Variants in ENTREP2 observed in about 807,000 individuals in gnomAD.
ENTREP2 encodes endosomal transmembrane epsin interactor 2, also known as protein ENTREP2.
chr15:29,195,943 C>T, the ENTREP2 span, among the ~76,000 whole-genome samples: 9 of 151,998 alleles, frequency 5.9e-5, no homozygotes, highest in African/African-American at 2.2e-4. Flanking sequence ...ATAAAACACT[C>T]GGAAGAAAAA....
the ENTREP2 span, among the ~76,000 whole-genome samples, chr15:29,582,182 C>G: frequency 6.6e-6 from 1 of 151,970 alleles, no homozygotes; most frequent in African/African-American, 2.4e-5. Flanking sequence ...GACAAAGGTG[C>G]AAAAGCAATT....
At chr15:29,226,125 G>A in the ENTREP2 span, among the ~76,000 whole-genome samples, 5 of 152,160 alleles carry the variant, frequency 3.3e-5, no homozygotes. Flanking sequence ...AGAACATGCC[G>A]GACACGGGGC....
chr15:29,344,871 T>C, the ENTREP2 span, among the ~76,000 whole-genome samples: 353 of 151,954 alleles, frequency 2.3e-3, 3 homozygotes, highest in Middle Eastern at 0.017. Flanking sequence ...CATAGCATTA[T>C]AGAGCCAGGT....
At chr15:29,271,767 T>C in the ENTREP2 span, among the ~76,000 whole-genome samples, 8 of 152,104 alleles carry the variant, frequency 5.3e-5, no homozygotes, top group Non-Finnish European at 1.0e-4. Context: ...GGAGCTCGGA[T>C]TTTAAGGCAG....
chr15:29,597,724 A>G, the ENTREP2 span, among the ~76,000 whole-genome samples: 1 of 150,238 alleles, frequency 6.7e-6, no homozygotes, highest in East Asian at 2.0e-4. Flanking sequence ...ACCATTATGA[A>G]TAGAGCTGCT....
the ENTREP2 span, among the ~76,000 whole-genome samples, chr15:29,336,801 G>C: frequency 6.6e-6 from 1 of 152,212 alleles, no homozygotes; most frequent in Admixed American, 6.5e-5. Flanking sequence ...CTCCTGGTAG[G>C]GCAGTCAAAG....
the ENTREP2 span, among the ~76,000 whole-genome samples, chr15:29,304,503 C>A: frequency 6.6e-6 from 1 of 152,288 alleles, no homozygotes; most frequent in South Asian, 2.1e-4. Context: ...CAAAACCATA[C>A]GACTACATGG....
the ENTREP2 span, among the ~76,000 whole-genome samples, chr15:29,395,163 C>T: frequency 2.0e-5 from 3 of 151,726 alleles, no homozygotes; most frequent in Non-Finnish European, 4.4e-5. Context: ...GCTGGGATTA[C>T]AGGCCTGAGC....
the ENTREP2 span, among the ~76,000 whole-genome samples, chr15:29,165,313 T>C: frequency 2.0e-5 from 3 of 151,160 alleles, no homozygotes; most frequent in South Asian, 6.3e-4. Context: ...AGAAAGGAAA[T>C]AACCAAGATC....
At chr15:29,196,778 A>G in the ENTREP2 span, 5 of 486,156 alleles carry the variant, frequency 1.0e-5, no homozygotes, top group East Asian at 6.3e-5. Context: ...TAGAAAAAGC[A>G]AAAGTACATT....
chr15:29,354,657 T>C, the ENTREP2 span, among the ~76,000 whole-genome samples: 2 of 151,978 alleles, frequency 1.3e-5, no homozygotes, highest in Admixed American at 6.5e-5. Context: ...ACTGTCTCTA[T>C]GAAACACGCA....
chr15:29,375,039 T>C, the ENTREP2 span: 1 of 152,222 alleles, frequency 6.6e-6, no homozygotes, highest in Non-Finnish European at 1.5e-5. Context: ...TGGTGCTGGA[T>C]ACTTTTGTAT....
chr15:29,307,158 T>C, the ENTREP2 span, among the ~76,000 whole-genome samples: 1 of 152,216 alleles, frequency 6.6e-6, no homozygotes. Context: ...TTCAAATGTA[T>C]CTCTCTACTA....
chr15:29,164,354 T>C, the ENTREP2 span, among the ~76,000 whole-genome samples: 4 of 152,218 alleles, frequency 2.6e-5, no homozygotes, highest in Admixed American at 2.0e-4. Flanking sequence ...CAACATTGAA[T>C]GTAAATGGCC....
chr15:29,272,966 G>A, the ENTREP2 span, among the ~76,000 whole-genome samples: 119 of 152,214 alleles, frequency 7.8e-4, no homozygotes, highest in African/African-American at 2.6e-3. Context: ...CAAAAGGGAG[G>A]GGCAGCATCA....
the ENTREP2 span, chr15:29,269,444 T>C: frequency 1.2e-6 from 2 of 1,613,968 alleles, no homozygotes; most frequent in African/African-American, 1.3e-5. Flanking sequence ...TCGGACACTT[T>C]CAGCTCCAGC....
chr15:29,493,125 C>CTTTTTTTTTTTTTTTTTTTTTTT, the ENTREP2 span, among the ~76,000 whole-genome samples: 1 of 84,774 alleles, frequency 1.2e-5, no homozygotes, highest in African/African-American at 5.3e-5. Flanking sequence ...CCTGACAACC[C>CTTTTTTTTTTTTTTTTTTTTTTT]TTTTTTTTTT....
the ENTREP2 span, among the ~76,000 whole-genome samples, chr15:29,418,323 C>A: frequency 6.6e-6 from 1 of 152,188 alleles, no homozygotes; most frequent in Admixed American, 6.5e-5. Context: ...TAGCATTTAA[C>A]TAACACAGGA....
At chr15:29,615,669 T>G in the ENTREP2 span, among the ~76,000 whole-genome samples, 1 of 152,176 alleles carries the variant, frequency 6.6e-6, no homozygotes, top group Non-Finnish European at 1.5e-5. Context: ...TGGGGCAACA[T>G]CTCATCTCTT....
Sources: allele counts gnomAD v4.1 joint callset (sites outside exome capture counted in the v4.1 genomes callset), GRCh38; gene constraint gnomAD v4.1.1; transcripts MANE v1.5; gene names NCBI Gene and HGNC (gene_info 2026-07-23, HGNC 2026-07-21).